The following LIPC variants were observed in gnomAD, a reference collection of about 807,000 sequenced individuals.
LIPC encodes the protein lipase C, hepatic type.
LIPC carries 44 observed loss-of-function variants against 50.7 expected under a neutral mutation model. That is an observed-to-expected ratio of 0.87 (90% CI 0.68 to 1.11). The LOEUF is 1.11. LIPC is among the 50% of genes most tolerant of loss of function. The probability of loss-of-function intolerance (pLI) is 0.00; values close to 1 mark genes in which losing one functional copy is unlikely to be tolerated. For synonymous variants in LIPC, 271 were observed against 256.4 expected (o/e 1.06, Z -0.54); for missense variants, 697 against 648.2 (o/e 1.08, Z -0.82).
chr15:58,564,595 C>T (rs570908066), intron 8 of LIPC, among the ~76,000 whole-genome samples: 13 of 152,072 alleles, frequency 8.5e-5, no homozygotes, highest in Admixed American at 3.3e-4. Flanking sequence ...GGCGTGGTGG[C>T]GCACAATGGT....
intron 6 of LIPC, among the ~76,000 whole-genome samples, chr15:58,553,712 A>G (rs1192515185): frequency 6.6e-6 from 1 of 152,254 alleles, no homozygotes; most frequent in Admixed American, 6.5e-5. Flanking sequence ...ATACCGACAC[A>G]TACAGGTGTT....
chr15:58,566,553 T>G (rs1412326785), intron 8 of LIPC: 16 of 659,852 alleles, frequency 2.4e-5, no homozygotes, highest in Admixed American at 1.3e-4. Context: ...ACACTCGTAA[T>G]ATCGCTGCTA....
chr15:58,469,655 CG>C, intron 1 of LIPC, among the ~76,000 whole-genome samples: 1 of 152,314 alleles, frequency 6.6e-6, no homozygotes, highest in East Asian at 1.9e-4. Context: ...GGCCTGCCCT[CG>C]GGAGGACTGG....
At chr15:58,526,511 G>A (rs1051419919) in intron 1 of LIPC, among the ~76,000 whole-genome samples, 5 of 152,164 alleles carry the variant, frequency 3.3e-5, no homozygotes, top group African/African-American at 1.2e-4. Flanking sequence ...GAACAACCTG[G>A]CCAAATGGAA....
rs375476746 is a variant in LIPC, at chr15:58,514,209, G to A, written c.89-24124G>A. On this transcript the variant is annotated intron_variant, in intron 1 of 8. Coordinates refer to ENST00000299022, the MANE Select transcript of LIPC (RefSeq NM_000236.3). ...CTCCACTTTCTAGCTGTGTGGCTGAGCACGCTTCTCGCCCTTTCTAAGTCT... is the reference window on the plus strand; with the variant it reads ...CTCCACTTTCTAGCTGTGTGGCTGAACACGCTTCTCGCCCTTTCTAAGTCT... 5.9e-5 allele frequency among the ~76,000 whole-genome samples: 9 copies of A among 152,338 alleles called. 1 individual carries two copies. Among genetic ancestry groups the A allele is most frequent in the African/African-American group, 2.2e-4 (9 of 41,578 alleles).
intron 6 of LIPC, among the ~76,000 whole-genome samples, chr15:58,560,381 G>A (rs1894118538): frequency 6.6e-6 from 1 of 152,178 alleles, no homozygotes; most frequent in South Asian, 2.1e-4. Flanking sequence ...TTGGTCACTA[G>A]GGCATATATT....
intron 1 of LIPC, among the ~76,000 whole-genome samples, chr15:58,501,646 AT>A (rs1168225804): frequency 6.6e-6 from 1 of 152,218 alleles, no homozygotes; most frequent in Non-Finnish European, 1.5e-5. Context: ...GGAAGAGTAC[AT>A]TAACTTGCCG....
intron 1 of LIPC, among the ~76,000 whole-genome samples, chr15:58,452,442 C>T (rs928616208): frequency 6.6e-6 from 1 of 152,182 alleles, no homozygotes; most frequent in South Asian, 2.1e-4. Flanking sequence ...AGAGTGTGAA[C>T]GTGAAACAGT....
chr15:58,541,484 G>C (rs1016942403), intron 2 of LIPC, among the ~76,000 whole-genome samples: 2 of 151,780 alleles, frequency 1.3e-5, no homozygotes, highest in African/African-American at 2.4e-5. Context: ...AATTGTTCTC[G>C]GGAGGGGGCG....
intron 1 of LIPC, among the ~76,000 whole-genome samples, chr15:58,502,018 C>T (rs1276782378): frequency 1.3e-5 from 2 of 152,098 alleles, no homozygotes; most frequent in African/African-American, 4.8e-5. Context: ...GCTTGAGATG[C>T]GTGGGCCGAG....
In LIPC at chr15:58,531,903, A is replaced by G. The variant is rs908864205; in HGVS notation, c.89-6430A>G. Among the ~76,000 whole-genome samples, 5 of 152,324 alleles carry G rather than the reference A, an allele frequency of 3.3e-5. No homozygotes were observed. In the East Asian group the frequency reaches 9.6e-4, roughly 29 times the overall value. ...TAGGAATTTCTTCTGAGTTCAAAACAATATCTTAATGACCTGAAAAATTAC... is the reference window on the plus strand; with the variant it reads ...TAGGAATTTCTTCTGAGTTCAAAACGATATCTTAATGACCTGAAAAATTAC... On this transcript the variant is annotated intron_variant, in intron 1 of 8. Coordinates refer to ENST00000299022, the MANE Select transcript of LIPC (RefSeq NM_000236.3).
At chr15:58,550,492 C>A (rs1462723331) in intron 6 of LIPC, among the ~76,000 whole-genome samples, 1 of 152,216 alleles carries the variant, frequency 6.6e-6, no homozygotes, top group Non-Finnish European at 1.5e-5. Context: ...TCACAAGGAT[C>A]CCTTTGTTAT....
chr15:58,561,153 T>TAAAG (rs774111333), intron 7 of LIPC, among the ~76,000 whole-genome samples, 172 bp downstream of exon 7: 7 of 152,240 alleles, frequency 4.6e-5, no homozygotes, highest in Non-Finnish European at 8.8e-5. Flanking sequence ...TTGCCAAGGT[T>TAAAG]AAAGACATTA....
At chr15:58,532,685 A>T (rs1331384363) in intron 1 of LIPC, among the ~76,000 whole-genome samples, 1 of 152,212 alleles carries the variant, frequency 6.6e-6, no homozygotes, top group Non-Finnish European at 1.5e-5. Context: ...CTTCTAGCCC[A>T]GGCATCATGG....
rs144323552 is a variant in LIPC, at chr15:58,559,506, T to A, written c.1052-1358T>A. Among the ~76,000 whole-genome samples the A allele has an allele frequency of 6.8e-3, 1,034 of 152,262 alleles. 16 individuals are homozygous for A. The highest frequency in any genetic ancestry group is 0.024 in the African/African-American group (984 of 41,538). On this transcript the variant is annotated intron_variant, in intron 6 of 8. Transcript: ENST00000299022. ...AGCCCGGACATGGCCTCAGAATCCA[T>A]CTCAACAGAGGGATCCAGGCAGTTC...
At chr15:58,491,397 C>A (rs1262608737) in intron 1 of LIPC, among the ~76,000 whole-genome samples, 1 of 152,174 alleles carries the variant, frequency 6.6e-6, no homozygotes, top group Non-Finnish European at 1.5e-5. Flanking sequence ...AGTTTCCTGG[C>A]CTGTAGAGTG....
At chr15:58,475,221 G>A (rs1890950518) in intron 1 of LIPC, among the ~76,000 whole-genome samples, 1 of 152,102 alleles carries the variant, frequency 6.6e-6, no homozygotes, top group Non-Finnish European at 1.5e-5. Context: ...TCTGGCCTGT[G>A]CTCCCACAAC....
intron 1 of LIPC, among the ~76,000 whole-genome samples, chr15:58,496,488 A>G (rs972792005): frequency 1.3e-5 from 2 of 152,114 alleles, no homozygotes; most frequent in African/African-American, 4.8e-5. Context: ...AGGGAAGGAG[A>G]GAGGGAGAAA....
At chr15:58,561,368 T>C (rs1894156486) in intron 7 of LIPC, among the ~76,000 whole-genome samples, 1 of 152,180 alleles carries the variant, frequency 6.6e-6, no homozygotes, top group African/African-American at 2.4e-5. Flanking sequence ...CATTCAAAGA[T>C]TTTCTGATTG....
Sources: allele counts gnomAD v4.1 joint callset (sites outside exome capture counted in the v4.1 genomes callset), GRCh38; gene constraint gnomAD v4.1.1; transcripts MANE v1.5; gene names NCBI Gene and HGNC (gene_info 2026-07-23, HGNC 2026-07-21).